Variants in CCDC93 observed in about 807,000 individuals in gnomAD.
CCDC93 encodes coiled-coil domain-containing protein 93.
A neutral mutation model predicts 108.2 loss-of-function variants in CCDC93; 61 were observed. That is an observed-to-expected ratio of 0.56 (90% confidence interval 0.46 to 0.70). The LOEUF (loss-of-function observed/expected upper bound fraction) is 0.70. CCDC93 is among the 30% of genes least tolerant of loss of function. The pLI, the probability that CCDC93 is intolerant of heterozygous loss-of-function variation, is 0.00. For missense variants in CCDC93, 685 were observed against 764.2 expected, an observed-to-expected ratio of 0.90 and a Z score of 1.22; for synonymous variants, 276 against 260.4, an observed-to-expected ratio of 1.06 and a Z score of -0.58.
intron 22 of CCDC93, chr2:117,931,408 T>G (rs1353735170): frequency 1.4e-5 from 5 of 352,902 alleles, no homozygotes; most frequent in Non-Finnish European, 2.6e-5. Context: ...AATGGACAGG[T>G]TGGTGATTCT....
At chr2:118,005,567 G>C (rs947242762) in intron 3 of CCDC93, among the ~76,000 whole-genome samples, 1 of 152,086 alleles carries the variant, frequency 6.6e-6, no homozygotes, top group African/African-American at 2.4e-5. Context: ...GACCAGCCTG[G>C]ACAAGATGGT....
chr2:117,923,027 C>T (rs1023254027), intron 23 of CCDC93, among the ~76,000 whole-genome samples: 9 of 151,714 alleles, frequency 5.9e-5, no homozygotes, highest in African/African-American at 2.2e-4. Flanking sequence ...AAAGGACTAC[C>T]CACCATCACA....
intron 7 of CCDC93, among the ~76,000 whole-genome samples, chr2:117,980,689 A>T (rs1249012683): frequency 1.3e-5 from 2 of 152,234 alleles, no homozygotes; most frequent in East Asian, 1.9e-4. Context: ...AAAATATTTT[A>T]AAAACTGACA....
chr2:117,991,023 A>G (rs1359612059), intron 6 of CCDC93, among the ~76,000 whole-genome samples: 2 of 152,208 alleles, frequency 1.3e-5, no homozygotes, highest in East Asian at 1.9e-4. Context: ...ATCATGCACC[A>G]AAAAAATGAA....
chr2:117,957,353 T>C (rs1448127377), intron 12 of CCDC93, among the ~76,000 whole-genome samples: 3 of 152,178 alleles, frequency 2.0e-5, no homozygotes, highest in Non-Finnish European at 4.4e-5. Context: ...ATGAAGGTCT[T>C]TCCAAAACAG....
chr2:117,994,565 A>G (rs1474958978), intron 6 of CCDC93, among the ~76,000 whole-genome samples: 2 of 152,240 alleles, frequency 1.3e-5, no homozygotes, highest in Non-Finnish European at 2.9e-5. Flanking sequence ...TTTTAAGATA[A>G]GCCAGTTTGG....
In CCDC93 at chr2:118,000,839, G is replaced by A. The variant is rs149104578; in HGVS notation, c.345C>T (p.His115=). ...CTCTCACCTGAACAACAGGAAATATGTGAATAAAATCCATCCCCTGGATCT... is the reference window on the plus strand; with the variant it reads ...CTCTCACCTGAACAACAGGAAATATATGAATAAAATCCATCCCCTGGATCT... The part of the protein sequence containing the change: ...PHQIQGMDFI[H]IFPVVQWLVK... Residue 115 remains histidine (H), a synonymous_variant, in exon 4 of 24, where the codon CAC becomes CAT. Coordinates refer to ENST00000376300, the MANE Select transcript of CCDC93 (RefSeq NM_019044.5). 2.2e-5 allele frequency: 36 copies of A among 1,611,156 alleles called. No homozygotes were observed. Among genetic ancestry groups the A allele is most frequent in the Non-Finnish European group, 2.8e-5 (33 of 1,177,494 alleles).
chr2:117,969,264 A>G (rs1679685949), intron 11 of CCDC93, among the ~76,000 whole-genome samples: 1 of 152,210 alleles, frequency 6.6e-6, no homozygotes, highest in Admixed American at 6.5e-5. Context: ...AACTGCAGGT[A>G]GCCTCCAGCT....
intron 12 of CCDC93, among the ~76,000 whole-genome samples, chr2:117,954,080 C>T (rs560801230): frequency 3.4e-4 from 51 of 152,232 alleles, no homozygotes; most frequent in African/African-American, 1.2e-3. Flanking sequence ...GATAGAGCAG[C>T]CTAAATGGAC....
chr2:117,938,997 C>T (rs772358838), intron 20 of CCDC93, 32 bp downstream of exon 20: 2 of 1,222,372 alleles, frequency 1.6e-6, no homozygotes, highest in Non-Finnish European at 2.4e-6. Flanking sequence ...CTGTTAGCTG[C>T]TTAGCCATTT....
At chr2:117,933,500 C>A (rs897091782) in intron 22 of CCDC93, among the ~76,000 whole-genome samples, 1 of 152,128 alleles carries the variant, frequency 6.6e-6, no homozygotes, top group African/African-American at 2.4e-5. Flanking sequence ...TGAGTGAGGT[C>A]GAAATGCTGA....
intron 3 of CCDC93, among the ~76,000 whole-genome samples, chr2:118,003,151 T>C (rs1676758216): frequency 1.3e-5 from 2 of 152,216 alleles, no homozygotes. Context: ...CATGCATCTT[T>C]TCTGCCATAA....
chr2:117,958,758 CA>C (rs1679298477), intron 11 of CCDC93, among the ~76,000 whole-genome samples: 1 of 152,144 alleles, frequency 6.6e-6, no homozygotes, highest in South Asian at 2.1e-4. Context: ...ATATAGGCAA[CA>C]GGTATCATCA....
chr2:118,013,460 C>G (rs933818968), intron 1 of CCDC93, among the ~76,000 whole-genome samples: 3 of 151,928 alleles, frequency 2.0e-5, no homozygotes, highest in Admixed American at 6.5e-5. Flanking sequence ...CATTCCCTCC[C>G]GACAGCAAGG....
chr2:117,941,353 C>A, intron 18 of CCDC93, 56 bp from the exon 19 acceptor site: 1 of 1,395,748 alleles, frequency 7.2e-7, no homozygotes, highest in South Asian at 1.2e-5. Flanking sequence ...CTTACATGTT[C>A]TCTAGGGAGC....
chr2:117,975,533 T>C (rs1573505144), intron 8 of CCDC93, among the ~76,000 whole-genome samples: 1 of 152,344 alleles, frequency 6.6e-6, no homozygotes, highest in East Asian at 1.9e-4. Flanking sequence ...CACACACATT[T>C]GCCTGACTTA....
intron 3 of CCDC93, among the ~76,000 whole-genome samples, chr2:118,006,412 G>C (rs1036060087): frequency 1.3e-5 from 2 of 152,194 alleles, no homozygotes; most frequent in African/African-American, 2.4e-5. Context: ...CTCGAAGACA[G>C]GCAAAGTGAG....
chr2:118,003,154 T>C (rs1676758341), intron 3 of CCDC93, among the ~76,000 whole-genome samples: 1 of 152,224 alleles, frequency 6.6e-6, no homozygotes, highest in Non-Finnish European at 1.5e-5. Context: ...GCATCTTTTC[T>C]GCCATAAGAT....
chr2:117,924,996 T>G (rs1037801684), intron 23 of CCDC93, among the ~76,000 whole-genome samples: 2 of 152,310 alleles, frequency 1.3e-5, no homozygotes, highest in Admixed American at 1.3e-4. Context: ...AAAAGAATTT[T>G]CAACCCAGAA....
Sources: allele counts gnomAD v4.1 joint callset (sites outside exome capture counted in the v4.1 genomes callset), GRCh38; gene constraint gnomAD v4.1.1; transcripts MANE v1.5; gene names NCBI Gene and HGNC (gene_info 2026-07-23, HGNC 2026-07-21).